Variants in MLLT1 observed in about 807,000 individuals in gnomAD.
MLLT1 encodes the protein protein ENL.
MLLT1 carries 11 observed loss-of-function variants against 55.1 expected under a neutral mutation model. The ratio of observed to expected loss-of-function variants is 0.20; its 90% CI spans 0.13 to 0.33. The LOEUF (loss-of-function observed/expected upper bound fraction) is 0.33, where lower values mean the gene tolerates loss of function less well. Ranked by LOEUF, MLLT1 falls within the 10% of genes least tolerant of loss-of-function variation. MLLT1 has a pLI of 1.00. For synonymous variants in MLLT1, 323 were observed against 320.1 expected, an observed-to-expected ratio of 1.01 and a Z score of -0.10; for missense variants, 536 against 760.6, an observed-to-expected ratio of 0.70 and a Z score of 3.47.
chr19:6,271,913 G>A (rs1236187092), intron 1 of MLLT1, among the ~76,000 whole-genome samples: 1 of 152,228 alleles, frequency 6.6e-6, no homozygotes, highest in African/African-American at 2.4e-5. Context: ...CCCAGTGGCT[G>A]CAATCCCTCC....
intron 3 of MLLT1, among the ~76,000 whole-genome samples, chr19:6,251,880 A>G (rs2091218074): frequency 6.6e-6 from 1 of 152,154 alleles, no homozygotes; most frequent in Admixed American, 6.5e-5. Flanking sequence ...CCTGAGCCCA[A>G]GGAGGTCAAG....
In MLLT1 at chr19:6,229,153, C is replaced by A. The variant is rs1216395641; in HGVS notation, c.420+1417G>T. Among the ~76,000 whole-genome samples the A allele has an allele frequency of 6.6e-6, 1 of 152,146 alleles. No individual in the cohort carries two copies. Among genetic ancestry groups the A allele is most frequent in the Non-Finnish European group, 1.5e-5 (1 of 68,012 alleles). On this transcript the variant is annotated intron_variant, in intron 4 of 11. Coordinates refer to ENST00000252674, the MANE Select transcript of MLLT1 (RefSeq NM_005934.4). This position sits in a 1 kb window ranked among gnomAD's most constrained non-coding sequence, Gnocchi z 5.2. ...CGGGGACGCCCAAAAACACCTACTG[C>A]AAACGTGGTGAAAACACCTGGCCAT...
At chr19:6,263,660 T>C (rs2091323422) in intron 2 of MLLT1, among the ~76,000 whole-genome samples, 1 of 152,170 alleles carries the variant, frequency 6.6e-6, no homozygotes, top group Non-Finnish European at 1.5e-5. Flanking sequence ...CCCACTCTCC[T>C]GCCTGAGAGC....
At chr19:6,266,441 G>A (rs1345134176) in intron 2 of MLLT1, among the ~76,000 whole-genome samples, 6 of 151,948 alleles carry the variant, frequency 3.9e-5, no homozygotes, top group South Asian at 2.1e-4. Flanking sequence ...TACTGCCCAC[G>A]TCTTATAAAT....
intron 1 of MLLT1, among the ~76,000 whole-genome samples, chr19:6,276,793 C>T (rs1372254216): frequency 3.3e-5 from 5 of 152,050 alleles, no homozygotes; most frequent in Admixed American, 2.6e-4. Flanking sequence ...AGACTTGGGG[C>T]GGAGGGGGAA....
chr19:6,212,910 G>C lies in MLLT1; in HGVS notation c.*132C>G. Reference sequence around the variant, plus strand: ...GGGAGCCGCCGAGGAAAGTGCAGCGGGCTGTGCGGGCGAGGACAGGGCTGT... The same window carrying C: ...GGGAGCCGCCGAGGAAAGTGCAGCGCGCTGTGCGGGCGAGGACAGGGCTGT... On this transcript the variant is annotated 3_prime_UTR_variant, in exon 12 of 12. Coordinates refer to ENST00000252674, the MANE Select transcript of MLLT1 (RefSeq NM_005934.4). 8.4e-7 allele frequency: 1 copy of C among 1,196,912 alleles called. No homozygotes were observed. Among genetic ancestry groups the C allele is most frequent in the Non-Finnish European group, 1.2e-6 (1 of 868,864 alleles). 74.1% of individuals were successfully genotyped at this position (1,196,912 alleles called of 1,614,324 possible). A position where few individuals can be genotyped will look rare whatever the true frequency, so the allele number is the denominator to read the frequency against.
intron 6 of MLLT1, among the ~76,000 whole-genome samples, chr19:6,220,169 G>A (rs2090883138): frequency 1.3e-5 from 2 of 152,246 alleles, no homozygotes; most frequent in South Asian, 2.1e-4. Flanking sequence ...TCTTCCGATG[G>A]CCGGTTCTGG....
At chr19:6,220,285 C>T (rs1206139196) in intron 6 of MLLT1, among the ~76,000 whole-genome samples, 1 of 152,252 alleles carries the variant, frequency 6.6e-6, no homozygotes, top group Non-Finnish European at 1.5e-5. Context: ...ACCATAGCAG[C>T]CTGGGCTTCG....
At chr19:6,265,312 TC>T (rs1487489960) in intron 2 of MLLT1, among the ~76,000 whole-genome samples, 1 of 152,124 alleles carries the variant, frequency 6.6e-6, no homozygotes, top group Non-Finnish European at 1.5e-5. Flanking sequence ...TGGTTCAGCA[TC>T]CCAAAAATCC....
chr19:6,239,761 T>C (rs2091098470), intron 3 of MLLT1, among the ~76,000 whole-genome samples: 1 of 151,754 alleles, frequency 6.6e-6, no homozygotes, highest in African/African-American at 2.4e-5. Flanking sequence ...CCTATGTACA[T>C]ATACACACCC....
chr19:6,252,353 A>C (rs1178672115), intron 3 of MLLT1, among the ~76,000 whole-genome samples: 1 of 152,156 alleles, frequency 6.6e-6, no homozygotes, highest in Non-Finnish European at 1.5e-5. Flanking sequence ...GTGGCCTGTC[A>C]CGGGACTTCT....
intron 3 of MLLT1, among the ~76,000 whole-genome samples, chr19:6,246,251 T>C (rs907410363): frequency 6.6e-6 from 1 of 152,084 alleles, no homozygotes; most frequent in Admixed American, 6.5e-5. Context: ...AAAAGTTAAA[T>C]AGACCCATAT....
chr19:6,211,480 C>G lies in MLLT1; in HGVS notation c.*1562G>C. 2.2e-6 allele frequency: 1 copy of G among 464,402 alleles called. No individual in the cohort carries two copies. Among genetic ancestry groups the G allele is most frequent in the Non-Finnish European group, 3.0e-6 (1 of 329,756 alleles). The allele number at this position is 464,402 out of a possible 1,614,324, so 28.8% of individuals were successfully genotyped here. On this transcript the variant is annotated 3_prime_UTR_variant, in exon 12 of 12. Coordinates refer to ENST00000252674, the MANE Select transcript of MLLT1 (RefSeq NM_005934.4). This position sits in a 1 kb window ranked among gnomAD's most constrained non-coding sequence, Gnocchi z 4.6. ...AGTGTTCAGGATCTGCTGACAGAAT[C>G]AGAGCAGGGACAAGATGAGGGACCT...
At chr19:6,269,325 C>G (rs896003560) in intron 2 of MLLT1, among the ~76,000 whole-genome samples, 2 of 152,248 alleles carry the variant, frequency 1.3e-5, no homozygotes, top group Non-Finnish European at 2.9e-5. Context: ...CGCGATCCTG[C>G]GCACGAAGCG....
In MLLT1 at chr19:6,211,612, C is replaced by T. The variant is rs533049260; in HGVS notation, c.*1430G>A. The stretch of plus-strand genomic sequence containing the variant: ...CGAGCCCACCTCCAGGCCCTCAGCC[C>T]TCTTTTCCTCATAACTTGGTCAGGG... On this transcript the variant is annotated 3_prime_UTR_variant, in exon 12 of 12. Transcript: ENST00000252674. The surrounding 1 kb of genome is among the most constrained non-coding windows in gnomAD (Gnocchi z 4.6). 40 of 1,065,212 alleles carry T rather than the reference C, an allele frequency of 3.8e-5. No homozygotes were observed. The African/African-American group carries it at 5.1e-4, about 14-fold the overall frequency. 66.0% of individuals were successfully genotyped at this position (1,065,212 alleles called of 1,614,324 possible). A position where few individuals can be genotyped will look rare whatever the true frequency, so the allele number is the denominator to read the frequency against.
At chr19:6,248,696 G>A (rs1486166234) in intron 3 of MLLT1, among the ~76,000 whole-genome samples, 1 of 152,144 alleles carries the variant, frequency 6.6e-6, no homozygotes, top group Non-Finnish European at 1.5e-5. Flanking sequence ...CAGCATCCTG[G>A]GGTGGGTTCC....
intron 7 of MLLT1, chr19:6,216,773 G>A (rs892648893): frequency 7.0e-5 from 34 of 483,908 alleles, no homozygotes; most frequent in Admixed American, 1.9e-4. Flanking sequence ...GGGACTGGCC[G>A]GCAGTGGGCG....
chr19:6,278,470 G>T (rs938038333), intron 1 of MLLT1, among the ~76,000 whole-genome samples: 2 of 149,922 alleles, frequency 1.3e-5, no homozygotes, highest in Non-Finnish European at 3.0e-5. Context: ...TTCAACTGAG[G>T]CTCTAAGATC....
chr19:6,220,885 A>C (rs2090890876), intron 6 of MLLT1, among the ~76,000 whole-genome samples: 1 of 152,128 alleles, frequency 6.6e-6, no homozygotes, highest in Non-Finnish European at 1.5e-5. Flanking sequence ...GACTTCTGGA[A>C]GGTGGCACCG....
Sources: gnomAD v4.1 joint callset for allele counts (sites outside exome capture counted in the v4.1 genomes callset) on GRCh38, gnomAD v4.1.1 for gene constraint, Gnocchi (gnomAD v3.1) non-coding constraint, MANE v1.5 for transcripts, NCBI Gene and HGNC (gene_info 2026-07-23, HGNC 2026-07-21) for gene names.